Variants in SUPT3H observed in about 807,000 individuals in gnomAD.
The protein encoded by SUPT3H is transcription initiation protein SPT3 homolog.
In SUPT3H, 44 loss-of-function variants were observed where a neutral mutation model predicts 44.3. The observed-to-expected ratio is 0.99, with a 90% CI of 0.78 to 1.28. The LOEUF is 1.28. Ranked by LOEUF, SUPT3H falls within the 50% of genes most tolerant of loss-of-function variation. The pLI is 0.00. For synonymous variants in SUPT3H, 124 were observed against 125.6 expected (o/e 0.99, Z 0.09); for missense variants, 380 against 387.1 (o/e 0.98, Z 0.15).
At chr6:44,901,111 A>C (rs1764955785) in intron 10 of SUPT3H, among the ~76,000 whole-genome samples, 1 of 152,042 alleles carries the variant, frequency 6.6e-6, no homozygotes, top group Admixed American at 6.6e-5. Flanking sequence ...TAAAAATCAG[A>C]GCACCTCTCC....
At chr6:44,914,793 T>C (rs957386442) in intron 10 of SUPT3H, among the ~76,000 whole-genome samples, 2 of 152,186 alleles carry the variant, frequency 1.3e-5, no homozygotes, top group African/African-American at 4.8e-5. Context: ...TATTGTCCTT[T>C]GCTGAGAGAG....
At chr6:44,951,382 C>T (rs1774286604) in intron 9 of SUPT3H, among the ~76,000 whole-genome samples, 1 of 152,024 alleles carries the variant, frequency 6.6e-6, no homozygotes, top group African/African-American at 2.4e-5. Context: ...TCACATCAGT[C>T]TCCAGAGTCC....
chr6:45,069,934 G>T (rs936950773), intron 3 of SUPT3H, among the ~76,000 whole-genome samples: 8 of 152,070 alleles, frequency 5.3e-5, no homozygotes, highest in Non-Finnish European at 1.2e-4. Flanking sequence ...ACAGCTGCGG[G>T]TAGCAGCATT....
chr6:45,248,694 A>T (rs1038407682), intron 2 of SUPT3H, among the ~76,000 whole-genome samples: 1 of 152,156 alleles, frequency 6.6e-6, no homozygotes, highest in African/African-American at 2.4e-5. Context: ...AGGTGGATAG[A>T]TCACGAGGTC....
chr6:45,112,492 C>T (rs1211178172), intron 2 of SUPT3H, among the ~76,000 whole-genome samples: 1 of 151,868 alleles, frequency 6.6e-6, no homozygotes, highest in African/African-American at 2.4e-5. Context: ...ACAGGCCTAA[C>T]TTTGAGTCTA....
intron 2 of SUPT3H, among the ~76,000 whole-genome samples, chr6:45,270,754 A>G (rs2153661710): frequency 6.6e-6 from 1 of 152,362 alleles, no homozygotes; most frequent in African/African-American, 2.4e-5. Context: ...GAACTGAGTA[A>G]CAGGCAGAGG....
intron 9 of SUPT3H, among the ~76,000 whole-genome samples, chr6:44,945,342 G>A (rs751029883): frequency 2.0e-5 from 3 of 152,118 alleles, no homozygotes; most frequent in Non-Finnish European, 2.9e-5. Context: ...GTAAGGAAGA[G>A]TTGCATGTCT....
chr6:45,225,772 T>C (rs1449293105), intron 2 of SUPT3H, among the ~76,000 whole-genome samples: 1 of 152,172 alleles, frequency 6.6e-6, no homozygotes, highest in African/African-American at 2.4e-5. Context: ...CATCACATTA[T>C]TAAATACATA....
At chr6:44,825,125 A>C (rs897702256), downstream of SUPT3H, among the ~76,000 whole-genome samples, 1 of 152,186 alleles carries the variant, frequency 6.6e-6, no homozygotes, top group Non-Finnish European at 1.5e-5. Context: ...GAAAGGAGAG[A>C]AGCTTTGTAT....
chr6:44,972,039 G>T (rs1397833115), intron 6 of SUPT3H, among the ~76,000 whole-genome samples: 1 of 151,678 alleles, frequency 6.6e-6, no homozygotes, highest in Non-Finnish European at 1.5e-5. Context: ...CTCCCAAAGT[G>T]CTGGGATTAC....
intron 2 of SUPT3H, among the ~76,000 whole-genome samples, chr6:45,181,220 G>A (rs1326809841): frequency 1.7e-5 from 2 of 117,996 alleles, no homozygotes; most frequent in African/African-American, 6.8e-5. Context: ...GAAACAACAC[G>A]TGCTGGAGAG....
intron 6 of SUPT3H, among the ~76,000 whole-genome samples, chr6:44,989,281 T>C (rs1456593994): frequency 6.6e-6 from 1 of 152,134 alleles, no homozygotes. Context: ...TAATATACTC[T>C]AGGTTCATTC....
intron 10 of SUPT3H, among the ~76,000 whole-genome samples, chr6:44,921,479 G>A (rs1768715784): frequency 6.6e-6 from 1 of 152,156 alleles, no homozygotes; most frequent in Non-Finnish European, 1.5e-5. Context: ...TTAAGGCAAA[G>A]TTAGGTCACC....
In SUPT3H at chr6:44,879,343, G is replaced by C. The variant is rs184797910; in HGVS notation, c.913-49486C>G. 2.2e-3 allele frequency among the ~76,000 whole-genome samples: 339 copies of C among 152,304 alleles called. 1 individual carries two copies. The highest frequency in any genetic ancestry group is 3.2e-3 in the Non-Finnish European group (221 of 68,028). On this transcript the variant is annotated intron_variant, in intron 10 of 10. Transcript: ENST00000371459. ...AACTGGGCAGAGCCCACTGCAGCTT[G>C]GCTAAGCTGCTGTGGCCAGTCTGCC...
chr6:44,972,368 C>T (rs953009727), intron 6 of SUPT3H, among the ~76,000 whole-genome samples: 1 of 152,194 alleles, frequency 6.6e-6, no homozygotes, highest in Non-Finnish European at 1.5e-5. Flanking sequence ...ATATCCAGGT[C>T]GCACGGATTC....
At chr6:45,080,113 A>T (rs1408853291) in intron 3 of SUPT3H, among the ~76,000 whole-genome samples, 2 of 152,214 alleles carry the variant, frequency 1.3e-5, no homozygotes, top group Non-Finnish European at 2.9e-5. Context: ...AAAAAATCTA[A>T]TAATCTGATT....
chr6:45,368,600 G>T (rs1390984338), intron 1 of SUPT3H, among the ~76,000 whole-genome samples: 1 of 152,082 alleles, frequency 6.6e-6, no homozygotes, highest in Non-Finnish European at 1.5e-5. Flanking sequence ...ACCTCAAATT[G>T]TTGAGAACCT....
At chr6:45,007,012 A>G (rs191643788) in intron 5 of SUPT3H, among the ~76,000 whole-genome samples, 20 of 152,222 alleles carry the variant, frequency 1.3e-4, no homozygotes, top group Admixed American at 1.2e-3. Context: ...TGATATTTGC[A>G]TATTGTCGAA....
chr6:45,253,628 C>T (rs1562798987), intron 2 of SUPT3H, among the ~76,000 whole-genome samples: 1 of 151,572 alleles, frequency 6.6e-6, no homozygotes, highest in Admixed American at 6.6e-5. Context: ...CTTGTCTCTA[C>T]ATAAAACTTA....
Sources: gnomAD v4.1 joint callset for allele counts (sites outside exome capture counted in the v4.1 genomes callset) on GRCh38, gnomAD v4.1.1 for gene constraint, MANE v1.5 for transcripts, NCBI Gene and HGNC (gene_info 2026-07-23, HGNC 2026-07-21) for gene names.